SPSB3: variants seen among roughly 807,000 people sequenced by gnomAD.
SPSB3 encodes SPRY domain-containing SOCS box protein 3.
A neutral mutation model predicts 29.5 loss-of-function variants in SPSB3; 18 were observed. The ratio of observed to expected loss-of-function variants is 0.61; its 90% CI spans 0.42 to 0.91. SPSB3 has a LOEUF of 0.91. Ranked by LOEUF, SPSB3 falls within the 40% of genes least tolerant of loss-of-function variation. The pLI is 0.00. For missense variants in SPSB3, 540 were observed against 507.5 expected, an observed-to-expected ratio of 1.06 and a Z score of -0.61; for synonymous variants, 299 against 214.1, an observed-to-expected ratio of 1.40 and a Z score of -3.46.
Position 1,777,409 on chromosome 16 carries a change from G to T in SPSB3, c.756C>A (p.Phe252Leu). The change falls in exon 7 of 7, where the codon TTC (phenylalanine) becomes TTA (leucine). Residue 252 changes from phenylalanine to leucine, a missense_variant. Transcript: ENST00000566339. ...CCGCCGTGGAGCACACCATCGGGTAGAATCTCTTGTTCTGCAGCTTGGTGG... is the reference window on the plus strand; with the variant it reads ...CCGCCGTGGAGCACACCATCGGGTATAATCTCTTGTTCTGCAGCTTGGTGG... ...VAATKLQNKR[F>L]YPMVCSTAAR... is the part of the protein sequence containing the mutation. 2 of 1,568,220 alleles carry T rather than the reference G, an allele frequency of 1.3e-6. No individual in the cohort carries two copies. The highest frequency in any genetic ancestry group is 1.7e-6 in the Non-Finnish European group (2 of 1,159,868).
chr16:1,779,629 C>G (rs1199356668), intron 2 of SPSB3: 1 of 152,288 alleles, frequency 6.6e-6, no homozygotes, highest in Non-Finnish European at 1.5e-5. Flanking sequence ...CAGGGTAGAC[C>G]CCCTGAGTCA....
rs772476329 is a variant in SPSB3 at position 1,777,071 on chromosome 16, A to G, written c.*26T>C. 18 of 1,603,760 alleles carry G rather than the reference A, an allele frequency of 1.1e-5. No homozygotes were observed. In the East Asian group the frequency reaches 3.1e-4, roughly 28 times the overall value. Reference sequence around the variant, plus strand: ...AGAGGAAAGGGGCTGTCCCAGCCCAAGAAGGCAGTTCCACTGGGAAGTCAG... The same window carrying G: ...AGAGGAAAGGGGCTGTCCCAGCCCAGGAAGGCAGTTCCACTGGGAAGTCAG... On this transcript the variant is annotated 3_prime_UTR_variant, in exon 7 of 7. Coordinates refer to ENST00000566339, the MANE Select transcript of SPSB3 (RefSeq NM_080861.4).
intron 1 of SPSB3, chr16:1,781,919 C>A (rs906882884): frequency 3.3e-4 from 68 of 203,236 alleles, no homozygotes; most frequent in African/African-American, 1.6e-3. Context: ...ACGCCCGGCC[C>A]GACCGCCGCA....
At chr16:1,778,650 GCT>G (rs1567230546) in intron 2 of SPSB3, 38 bp from the exon 3 acceptor site, 3 of 1,519,090 alleles carry the variant, frequency 2.0e-6, no homozygotes, top group Admixed American at 3.9e-5. Context: ...CCTGTTGCCC[GCT>G]CTCTACCCTC....
Position 1,778,193 on chromosome 16 carries a change from C to G in SPSB3, c.433G>C (p.Gly145Arg), listed in dbSNP as rs1472636704. The G allele has an allele frequency of 1.2e-6, 2 of 1,613,000 alleles. No individual in the cohort carries two copies. The highest frequency in any genetic ancestry group is 1.1e-5 in the South Asian group (1 of 91,072). The change falls in exon 4 of 7, where the codon GGG (glycine) becomes CGG (arginine). Residue 145 changes from glycine to arginine, a missense_variant. Physicochemically the swap from Gly to Arg is moderately radical, Grantham distance 125 (BLOSUM62 -2). Coordinates refer to ENST00000566339, the MANE Select transcript of SPSB3 (RefSeq NM_080861.4). The stretch of plus-strand genomic sequence containing the variant: ...ATCTCCCAGAAGTGCTGGCCCTCCC[C>G]CAGCTCCTTGGTGCCCCGGATGGCC... ...TAAIRGTKEL[G>R]EGQHFWEIKM...
At chr16:1,781,309 A>C in intron 2 of SPSB3, 49 bp downstream of exon 2, 1 of 1,612,764 alleles carries the variant, frequency 6.2e-7, no homozygotes, top group Non-Finnish European at 8.5e-7. Flanking sequence ...TGCCTAGGGC[A>C]TCTCCACACC....
chr16:1,781,780 C>A, intron 1 of SPSB3: 1 of 457,540 alleles, frequency 2.2e-6, no homozygotes, highest in Non-Finnish European at 4.0e-6. Flanking sequence ...CTGCCCCGCC[C>A]GCCTGTCCCG....
intron 2 of SPSB3, chr16:1,781,053 T>G (rs963556841): frequency 8.0e-6 from 7 of 876,646 alleles, no homozygotes; most frequent in Middle Eastern, 3.8e-4. Flanking sequence ...GAATTTCTGT[T>G]GAATGAACCA....
chr16:1,781,060 A>C, intron 2 of SPSB3: 1 of 983,378 alleles, frequency 1.0e-6, no homozygotes. Flanking sequence ...TGTTGAATGA[A>C]CCAAAAGCAA....
In SPSB3 at chr16:1,776,973, C is replaced by A; in HGVS notation, c.*124G>T. The A allele has an allele frequency of 9.0e-7, 1 of 1,116,154 alleles. No individual in the cohort carries two copies. The highest frequency in any genetic ancestry group is 1.3e-6 in the Non-Finnish European group (1 of 792,122). The allele number at this position is 1,116,154 out of a possible 1,614,324, so 69.1% of individuals were successfully genotyped here. ...TCCCAGCCTCGGGAGCAAGAGATGG[C>A]TCCCTCCGGACGGGCCTCATCCAAC... On this transcript the variant is annotated 3_prime_UTR_variant, in exon 7 of 7. Transcript: ENST00000566339.
Position 1,777,009 on chromosome 16 carries a change from A to G in SPSB3, c.*88T>C. On this transcript the variant is annotated 3_prime_UTR_variant, in exon 7 of 7. Coordinates refer to ENST00000566339, the MANE Select transcript of SPSB3 (RefSeq NM_080861.4). The stretch of plus-strand genomic sequence containing the variant: ...CGGGCCTCATCCAACTCCGCCCTGG[A>G]GTGTGGCTGGAAGGAAGGGACAGAG... The G allele has an allele frequency of 6.8e-7, 1 of 1,461,018 alleles. No individual in the cohort carries two copies. Among genetic ancestry groups the G allele is most frequent in the Admixed American group, 1.9e-5 (1 of 52,220 alleles). 90.5% of individuals were successfully genotyped at this position (1,461,018 alleles called of 1,614,324 possible).
In SPSB3 at chr16:1,777,184, T is replaced by A. The variant is rs772916238; in HGVS notation, c.981A>T (p.Pro327=). 3.2e-5 allele frequency: 51 copies of A among 1,610,732 alleles called. No homozygotes were observed. The highest frequency in any genetic ancestry group is 4.2e-5 in the Non-Finnish European group (50 of 1,179,848). The stretch of plus-strand genomic sequence containing the variant: ...AGGTCGCTGCCTGGGGATCGGACAC[T>A]GGAGCCTTGCGGCGGCTGCAACTCA... ...LSMSCSRRKA[P]VSDPQAATSA... is the part of the protein sequence containing the mutation. The change falls in exon 7 of 7, where the codon CCA becomes CCT. Residue 327 remains proline (P), a synonymous_variant. Transcript: ENST00000566339.
rs896129678 is a variant in SPSB3 at position 1,779,780 on chromosome 16, A to G, written c.127-1168T>C. 3 of 152,200 alleles carry G rather than the reference A, an allele frequency of 2.0e-5. No individual in the cohort carries two copies. The East Asian group carries it at 5.8e-4, about 29-fold the overall frequency. 9.4% of individuals were successfully genotyped at this position (152,200 alleles called of 1,614,324 possible). ...TTTGGTGACACAGGACAAGCAGCAC[A>G]TGTGTCGAACACTGCCGAGCCCGCA... On this transcript the variant is annotated intron_variant, in intron 2 of 6. Coordinates refer to ENST00000566339, the MANE Select transcript of SPSB3 (RefSeq NM_080861.4).
At position 1,778,249 on chromosome 16, in the gene SPSB3, C is replaced by G. The variant is rs1043570156; in HGVS notation, c.377G>C (p.Ser126Thr). The change falls in exon 4 of 7, where the codon AGC (serine) becomes ACC (threonine). Residue 126 changes from serine to threonine, a missense_variant. Coordinates refer to ENST00000566339, the MANE Select transcript of SPSB3 (RefSeq NM_080861.4). ...GCCGCAGCTGTACTCCATGTGGAAG[C>G]TGACCTTACGGTTGTCACAGCTCAG... ...TLLSCDNRKV[S>T]FHMEYSCGTA... 6.2e-7 allele frequency: 1 copy of G among 1,612,866 alleles called. No homozygotes were observed. Among genetic ancestry groups the G allele is most frequent in the Non-Finnish European group, 8.5e-7 (1 of 1,180,014 alleles).
In SPSB3 at chr16:1,777,454, G is replaced by A. The variant is rs1312055036; in HGVS notation, c.722-11C>T. On this transcript the variant is annotated splice_polypyrimidine_tract_variant and intron_variant, in intron 6 of 6. Transcript: ENST00000566339. ...TGGTGGCTGCCACACCTGGAAGGGA[G>A]GGGCCCAGCCTGAACCCCAGGCAGG... 6.7e-7 allele frequency: 1 copy of A among 1,496,830 alleles called. No individual in the cohort carries two copies. Among genetic ancestry groups the A allele is most frequent in the African/African-American group, 1.4e-5 (1 of 72,530 alleles). The allele number at this position is 1,496,830 out of a possible 1,614,324, so 92.7% of individuals were successfully genotyped here. A position where few individuals can be genotyped will look rare whatever the true frequency, so the allele number is the denominator to read the frequency against.
At chr16:1,777,479 G>A in intron 6 of SPSB3, 36 bp from the exon 7 acceptor site, 1 of 1,461,510 alleles carries the variant, frequency 6.8e-7, no homozygotes, top group Non-Finnish European at 9.0e-7. Flanking sequence ...CCCCAGGCAG[G>A]GAAGGGGCCA....
intron 2 of SPSB3, chr16:1,779,235 G>C (rs1366534440): frequency 6.6e-6 from 1 of 152,418 alleles, no homozygotes; most frequent in Non-Finnish European, 1.5e-5. Flanking sequence ...CTGATTCTTG[G>C]CCTCCTCCCA....
At position 1,777,086 on chromosome 16, in the gene SPSB3, T is replaced by TG. The variant is rs34485123; in HGVS notation, c.*10dup. The TG allele has an allele frequency of 6.2e-7, 1 of 1,608,448 alleles. No homozygotes were observed. On this transcript the variant is annotated 3_prime_UTR_variant, in exon 7 of 7. Coordinates refer to ENST00000566339, the MANE Select transcript of SPSB3 (RefSeq NM_080861.4). ...TCCCAGCCCAAGAAGGCAGTTCCAC[T>TG]GGGAAGTCAGTCAGGTCCGGCGGCA... is the stretch of plus-strand genomic sequence containing the variant.
intron 1 of SPSB3, chr16:1,781,901 T>C: frequency 4.7e-6 from 1 of 211,860 alleles, no homozygotes. Context: ...CCCCGACACC[T>C]TCCCCTCACG....
Sources: gnomAD v4.1 joint callset for allele counts on GRCh38, gnomAD v4.1.1 for gene constraint, MANE v1.5 for transcripts, NCBI Gene and HGNC (gene_info 2026-07-23, HGNC 2026-07-21) for gene names.